Variants in IL1RAPL1 observed in about 807,000 individuals in gnomAD.
IL1RAPL1 encodes interleukin-1 receptor accessory protein-like 1.
Under a neutral mutation model 48.4 loss-of-function variants are expected in IL1RAPL1, and 3 were observed. The ratio of observed to expected loss-of-function variants is 0.06; its 90% CI spans 0.03 to 0.16. The LOEUF is 0.16. Ranked by LOEUF, IL1RAPL1 falls within the 10% of genes least tolerant of loss-of-function variation. The probability of loss-of-function intolerance (pLI) is 1.00; values close to 1 mark genes in which losing one functional copy is unlikely to be tolerated. For missense variants in IL1RAPL1, 349 were observed against 530.6 expected, an observed-to-expected ratio of 0.66 and a Z score of 3.36; for synonymous variants, 185 against 187.7, an observed-to-expected ratio of 0.99 and a Z score of 0.12.
chrX:28,808,507 A>G (rs1936756759), intron 2 of IL1RAPL1, among the ~76,000 whole-genome samples: 1 of 111,138 alleles, frequency 9.0e-6, no homozygotes, highest in Non-Finnish European at 1.9e-5. Context: ...GTGTATATGA[A>G]TATAAATGCA....
chrX:29,535,134 CAAAAAAAAAAAAAA>C (rs35842937), intron 5 of IL1RAPL1, among the ~76,000 whole-genome samples: 3 of 22,583 alleles, frequency 1.3e-4, no homozygotes, highest in Non-Finnish European at 2.1e-4. Context: ...ACTCTGTCTC[CAAAAAAAAAAAAAA>C]AAAAAAAAAA....
chrX:29,740,841 A>G (rs996650503), intron 6 of IL1RAPL1, among the ~76,000 whole-genome samples: 2 of 112,435 alleles, frequency 1.8e-5, no homozygotes, highest in Admixed American at 1.9e-4. Flanking sequence ...TCACTCCAGT[A>G]TATACATTAC....
At chrX:29,954,395 C>T in intron 9 of IL1RAPL1, 127 bp from the exon 10 acceptor site, 2 of 536,503 alleles carry the variant, frequency 3.7e-6, no homozygotes, top group Non-Finnish European at 3.2e-6. Flanking sequence ...TTAATGAAGG[C>T]TTCATTTTTC....
chrX:28,901,655 C>CTT (rs1284720843), intron 2 of IL1RAPL1, among the ~76,000 whole-genome samples: 1 of 111,931 alleles, frequency 8.9e-6, no homozygotes, highest in Non-Finnish European at 1.9e-5. Context: ...CAGAAACTAA[C>CTT]TTTTTTGCCT....
chrX:29,738,766 C>T (rs1306480612), intron 6 of IL1RAPL1, among the ~76,000 whole-genome samples: 1 of 111,928 alleles, frequency 8.9e-6, no homozygotes, highest in African/African-American at 3.2e-5. Context: ...TAACACTTTC[C>T]TCTAGGTCTG....
intron 5 of IL1RAPL1, among the ~76,000 whole-genome samples, chrX:29,488,454 A>C (rs191329514): frequency 9.5e-4 from 106 of 111,770 alleles, no homozygotes; most frequent in Non-Finnish European, 1.0e-3. Context: ...ACAACAACAA[A>C]AAAACAGAAG....
At chrX:29,103,082 C>G (rs977740205) in intron 2 of IL1RAPL1, among the ~76,000 whole-genome samples, 2 of 111,957 alleles carry the variant, frequency 1.8e-5, no homozygotes, top group African/African-American at 3.3e-5. Context: ...CAATTCCTAT[C>G]AAAATACCAA....
intron 2 of IL1RAPL1, among the ~76,000 whole-genome samples, chrX:29,147,978 A>G (rs1473432880): frequency 8.9e-6 from 1 of 111,744 alleles, no homozygotes; most frequent in Non-Finnish European, 1.9e-5. Flanking sequence ...ATTTTGTAAG[A>G]GGTTTTTATA....
intron 2 of IL1RAPL1, among the ~76,000 whole-genome samples, chrX:29,147,469 C>A (rs1402797720): frequency 9.0e-6 from 1 of 111,565 alleles, no homozygotes; most frequent in African/African-American, 3.3e-5. Context: ...TTCTTAGTCC[C>A]TTTCTTTTAG....
intron 3 of IL1RAPL1, among the ~76,000 whole-genome samples, chrX:29,381,409 C>T (rs1335157713): frequency 1.1e-5 from 1 of 91,227 alleles, no homozygotes; most frequent in Non-Finnish European, 2.1e-5. Context: ...AACCCCAGCA[C>T]TTTGGGAGGC....
intron 2 of IL1RAPL1, among the ~76,000 whole-genome samples, chrX:28,999,433 C>T (rs1569216334): frequency 9.0e-6 from 1 of 111,394 alleles, no homozygotes; most frequent in Non-Finnish European, 1.9e-5. Flanking sequence ...TAGCCCAATC[C>T]CTGAGTTAAT....
At chrX:29,554,589 T>G (rs1260950621) in intron 5 of IL1RAPL1, among the ~76,000 whole-genome samples, 1 of 111,717 alleles carries the variant, frequency 9.0e-6, no homozygotes, top group African/African-American at 3.3e-5. Flanking sequence ...CTAAGATAAT[T>G]TATTGAAGTA....
intron 6 of IL1RAPL1, among the ~76,000 whole-genome samples, chrX:29,903,543 T>A (rs1353154065): frequency 9.0e-6 from 1 of 111,604 alleles, no homozygotes; most frequent in Non-Finnish European, 1.9e-5. Context: ...AGAGCTTTTT[T>A]ATTTTTCAGT....
At chrX:29,900,029 G>A (rs1490725918) in intron 6 of IL1RAPL1, among the ~76,000 whole-genome samples, 4 of 111,421 alleles carry the variant, frequency 3.6e-5, no homozygotes, top group African/African-American at 1.3e-4. Flanking sequence ...AGGCTTCATG[G>A]TATATTTTAG....
chrX:29,677,171 G>T (rs1397894575), intron 6 of IL1RAPL1, among the ~76,000 whole-genome samples: 1 of 111,626 alleles, frequency 9.0e-6, no homozygotes, highest in Non-Finnish European at 1.9e-5. Flanking sequence ...AATAACTAAG[G>T]ATTTCTAAAT....
chrX:29,008,418 T>C (rs1278127163), intron 2 of IL1RAPL1, among the ~76,000 whole-genome samples: 1 of 111,832 alleles, frequency 8.9e-6, no homozygotes, highest in Admixed American at 9.5e-5. Context: ...CCTCGTGATC[T>C]GCCCGCCTCG....
intron 5 of IL1RAPL1, among the ~76,000 whole-genome samples, chrX:29,415,985 A>T (rs1479521750): frequency 8.9e-6 from 1 of 111,970 alleles, no homozygotes; most frequent in African/African-American, 3.2e-5. Flanking sequence ...TCAATATGGG[A>T]GTTTTTGTTA....
At chrX:29,261,901 A>G in intron 2 of IL1RAPL1, among the ~76,000 whole-genome samples, 1 of 111,477 alleles carries the variant, frequency 9.0e-6, no homozygotes, top group Admixed American at 9.6e-5. Flanking sequence ...GTATAATATT[A>G]TTTAATATGT....
chrX:29,465,221 A>G (rs969376376), intron 5 of IL1RAPL1, among the ~76,000 whole-genome samples: 1 of 111,113 alleles, frequency 9.0e-6, no homozygotes, highest in Admixed American at 9.6e-5. Flanking sequence ...CCTGGGCAAC[A>G]TAGTGAGTCC....
Sources: allele counts gnomAD v4.1 joint callset (sites outside exome capture counted in the v4.1 genomes callset), GRCh38; gene constraint gnomAD v4.1.1; transcripts MANE v1.5; gene names NCBI Gene and HGNC (gene_info 2026-07-23, HGNC 2026-07-21).